ZNF438: variants seen among roughly 807,000 people sequenced by gnomAD.
ZNF438 encodes zinc finger protein 438.
A neutral mutation model predicts 38.0 loss-of-function variants in ZNF438; 25 were observed. The ratio of observed to expected loss-of-function variants is 0.66; its 90% CI spans 0.48 to 0.92. The LOEUF is 0.92. Among genes scored for constraint, ZNF438 ranks in the 40% least tolerant of loss-of-function variants. The probability of loss-of-function intolerance (pLI) is 0.00; values close to 1 mark genes in which losing one functional copy is unlikely to be tolerated. For missense variants in ZNF438, 1,007 were observed against 999.6 expected (o/e 1.01, Z -0.10); for synonymous variants, 372 against 364.1 (o/e 1.02, Z -0.25).
chr10:30,932,661 G>A (rs960393103), intron 2 of ZNF438, among the ~76,000 whole-genome samples: 4 of 152,138 alleles, frequency 2.6e-5, no homozygotes, highest in African/African-American at 4.8e-5. Flanking sequence ...AAAGAAATAT[G>A]CCATCAGTTA....
chr10:30,857,750 C>G, intron 4 of ZNF438: 2 of 1,462,490 alleles, frequency 1.4e-6, no homozygotes, highest in Non-Finnish European at 1.8e-6. Context: ...GTGTCCTCCT[C>G]CTCCTCCATT....
intron 2 of ZNF438, among the ~76,000 whole-genome samples, chr10:30,938,235 T>C (rs1158048145): frequency 1.3e-5 from 2 of 152,124 alleles, no homozygotes; most frequent in Admixed American, 6.6e-5. Context: ...GCCAGTTCTC[T>C]ATTCATGCGG....
At chr10:30,968,513 G>A (rs1464251612) in intron 1 of ZNF438, among the ~76,000 whole-genome samples, 3 of 136,140 alleles carry the variant, frequency 2.2e-5, no homozygotes, top group East Asian at 2.1e-4. Context: ...GTGTGATCTC[G>A]GCTCACCACA....
chr10:30,915,627 G>T (rs1163052916), intron 2 of ZNF438, among the ~76,000 whole-genome samples: 4 of 152,050 alleles, frequency 2.6e-5, no homozygotes, highest in Non-Finnish European at 5.9e-5. Flanking sequence ...GATTTTTCAG[G>T]AAGTGCAGAG....
intron 2 of ZNF438, among the ~76,000 whole-genome samples, chr10:30,932,059 T>C (rs775622169): frequency 1.3e-5 from 2 of 152,196 alleles, no homozygotes; most frequent in Non-Finnish European, 2.9e-5. Flanking sequence ...TCCTTCATTA[T>C]TACCTACAGG....
chr10:31,017,508 T>G (rs896389981), intron 1 of ZNF438, among the ~76,000 whole-genome samples: 2 of 152,196 alleles, frequency 1.3e-5, no homozygotes, highest in Non-Finnish European at 2.9e-5. Context: ...TCCTAAAAAT[T>G]TCAAAAGGTC....
intron 1 of ZNF438, among the ~76,000 whole-genome samples, chr10:30,955,350 C>T (rs2048745899): frequency 6.6e-6 from 1 of 152,196 alleles, no homozygotes; most frequent in African/African-American, 2.4e-5. Context: ...AAGGTCATGC[C>T]TATGTCTTCT....
chr10:30,870,595 T>G (rs993655053), intron 4 of ZNF438, among the ~76,000 whole-genome samples: 4 of 152,220 alleles, frequency 2.6e-5, no homozygotes, highest in African/African-American at 7.2e-5. Flanking sequence ...GCATGAGTTA[T>G]AGTGCTGTGT....
Position 30,845,590 on chromosome 10 carries a change from T to A in ZNF438, c.1875-17A>T, listed in dbSNP as rs2031802461. On this transcript the variant is annotated splice_polypyrimidine_tract_variant and intron_variant, in intron 5 of 5. Transcript: ENST00000413025. ...TTGTTTTCCCTGAAAAGGCCAATAA[T>A]AATGAAGATAAGATTTCATGGAAAA... 7.5e-6 allele frequency: 12 copies of A among 1,593,918 alleles called. No homozygotes were observed. Among genetic ancestry groups the A allele is most frequent in the Non-Finnish European group, 9.4e-6 (11 of 1,171,786 alleles).
chr10:30,862,554 C>T (rs765655474), intron 4 of ZNF438, among the ~76,000 whole-genome samples: 1 of 152,188 alleles, frequency 6.6e-6, no homozygotes, highest in Non-Finnish European at 1.5e-5. Flanking sequence ...GGTCCTCCTA[C>T]CTCAGTTCCC....
intron 2 of ZNF438, among the ~76,000 whole-genome samples, chr10:30,936,946 GAT>G (rs1410297690): frequency 6.6e-6 from 1 of 152,114 alleles, no homozygotes; most frequent in Admixed American, 6.5e-5. Context: ...ACATCAAAGA[GAT>G]ATGAAATGTT....
intron 1 of ZNF438, among the ~76,000 whole-genome samples, chr10:30,949,746 G>GC (rs1284300815): frequency 6.6e-6 from 1 of 151,700 alleles, no homozygotes; most frequent in Non-Finnish European, 1.5e-5. Flanking sequence ...GATTCATAAA[G>GC]CAAGTCCTGA....
At chr10:30,874,147 T>TATATATATATATATACATAC (rs1564541541) in intron 4 of ZNF438, among the ~76,000 whole-genome samples, 2 of 76,844 alleles carry the variant, frequency 2.6e-5, no homozygotes, top group African/African-American at 1.5e-4. Context: ...TATATATATA[T>TATATATATATATATACATAC]ATATATATAT....
intron 1 of ZNF438, among the ~76,000 whole-genome samples, chr10:30,953,046 T>C (rs1459199487): frequency 8.3e-6 from 1 of 120,466 alleles, no homozygotes; most frequent in Non-Finnish European, 1.7e-5. Context: ...ATGTGGCACA[T>C]ATACACCATG....
In ZNF438 at chr10:31,016,007, G is replaced by A. The variant is rs1354316022; in HGVS notation, c.-192+15826C>T. On this transcript the variant is annotated intron_variant, in intron 1 of 5. Coordinates refer to ENST00000413025, the Ensembl canonical transcript of ZNF438. The stretch of plus-strand genomic sequence containing the variant: ...CATCTCCAATACTGTCATGTGGAAG[G>A]TTAGGGCCTCAACATATGAATTTTG... Among the ~76,000 whole-genome samples, 4 of 152,132 alleles carry A rather than the reference G, an allele frequency of 2.6e-5. No homozygotes were observed. The South Asian group carries it at 8.3e-4, about 32-fold the overall frequency.
chr10:30,855,501 T>G (rs4747735), intron 4 of ZNF438, among the ~76,000 whole-genome samples: 99,584 of 152,108 alleles, frequency 0.65, 34,051 homozygotes, highest in African/African-American at 0.86. Context: ...ACATACAAGG[T>G]TAAGGGTCTC....
intron 1 of ZNF438, among the ~76,000 whole-genome samples, chr10:30,998,891 T>G (rs1292138085): frequency 6.6e-6 from 1 of 152,170 alleles, no homozygotes; most frequent in Admixed American, 6.5e-5. Flanking sequence ...TATAAAAAGA[T>G]TTCTCTATTT....
At chr10:30,845,449 G>A in exon 6 of ZNF438, 1 of 1,614,108 alleles carries the variant, frequency 6.2e-7, no homozygotes. Context: ...TGAACATCAA[G>A]TAAATGAAAT....
At chr10:30,976,142 T>C (rs1343197763) in intron 1 of ZNF438, among the ~76,000 whole-genome samples, 2 of 152,076 alleles carry the variant, frequency 1.3e-5, no homozygotes, top group Admixed American at 6.6e-5. Flanking sequence ...CATAAAACTT[T>C]AAATCAAAAC....
Sources: gnomAD v4.1 joint callset for allele counts (sites outside exome capture counted in the v4.1 genomes callset) on GRCh38, gnomAD v4.1.1 for gene constraint, MANE v1.5 for transcripts, NCBI Gene and HGNC (gene_info 2026-07-23, HGNC 2026-07-21) for gene names.